The following SYT1 variants were observed in gnomAD, a reference collection of about 807,000 sequenced individuals.
The protein encoded by SYT1 is synaptotagmin 1.
In SYT1, 8 loss-of-function variants were observed where a neutral mutation model predicts 44.8. The observed-to-expected ratio is 0.18, with a 90% CI of 0.10 to 0.32. The LOEUF (loss-of-function observed/expected upper bound fraction) is 0.32. Ranked by LOEUF, SYT1 falls within the 10% of genes least tolerant of loss-of-function variation. SYT1 has a pLI of 1.00. For synonymous variants in SYT1, 154 were observed against 188.8 expected, an observed-to-expected ratio of 0.82 and a Z score of 1.51; for missense variants, 286 against 509.3, an observed-to-expected ratio of 0.56 and a Z score of 4.22.
At chr12:78,953,545 G>A (rs531300298) in intron 1 of SYT1, among the ~76,000 whole-genome samples, 2 of 152,124 alleles carry the variant, frequency 1.3e-5, no homozygotes, top group South Asian at 2.1e-4. Context: ...GGAGCTTTGA[G>A]GTATTATTGT....
At chr12:79,124,970 A>G (rs1868356379) in intron 3 of SYT1, among the ~76,000 whole-genome samples, 1 of 152,154 alleles carries the variant, frequency 6.6e-6, no homozygotes, top group Admixed American at 6.5e-5. Flanking sequence ...AGATGGGGAA[A>G]AAATTGGAAT....
At chr12:79,313,231 G>A (rs1335606858) in intron 8 of SYT1, among the ~76,000 whole-genome samples, 1 of 152,114 alleles carries the variant, frequency 6.6e-6, no homozygotes, top group Admixed American at 6.6e-5. Flanking sequence ...GTGTACATAG[G>A]TTCCCTCCCA....
rs188690022 is a variant in SYT1, at chr12:78,993,884, T to G, written c.-84+15953T>G. On this transcript the variant is annotated intron_variant, in intron 2 of 10. Transcript: ENST00000261205. ...TCATTCTCATACTTAACAAATATTGTCCTAAGTTTCTGCTATGTTCAGAGT... is the reference window on the plus strand; with the variant it reads ...TCATTCTCATACTTAACAAATATTGGCCTAAGTTTCTGCTATGTTCAGAGT... 4.6e-5 allele frequency among the ~76,000 whole-genome samples: 7 copies of G among 152,284 alleles called. No individual in the cohort carries two copies. The East Asian group carries it at 7.7e-4, about 17-fold the overall frequency.
At chr12:78,905,214 GA>G (rs1222089607) in intron 1 of SYT1, among the ~76,000 whole-genome samples, 3 of 152,280 alleles carry the variant, frequency 2.0e-5, no homozygotes, top group African/African-American at 7.2e-5. Flanking sequence ...TGATTTTAAA[GA>G]GATTAATTAT....
intron 1 of SYT1, among the ~76,000 whole-genome samples, chr12:78,889,906 C>T (rs1308838375): frequency 6.6e-6 from 1 of 151,862 alleles, no homozygotes. Flanking sequence ...AGGGGCTAAA[C>T]ACAGTTTTCC....
chr12:79,155,381 G>C (rs1349218269), intron 3 of SYT1, among the ~76,000 whole-genome samples: 1 of 152,108 alleles, frequency 6.6e-6, no homozygotes, highest in African/African-American at 2.4e-5. Flanking sequence ...TGGAAGGCAG[G>C]GACTCCCTAG....
chr12:79,320,060 G>C (rs1881280731), intron 8 of SYT1, among the ~76,000 whole-genome samples: 1 of 152,174 alleles, frequency 6.6e-6, no homozygotes, highest in Admixed American at 6.5e-5. Flanking sequence ...CTAAGCCCTT[G>C]TGTTTCATAA....
chr12:79,428,164 T>C (rs1341691193), intron 9 of SYT1, among the ~76,000 whole-genome samples: 2 of 152,170 alleles, frequency 1.3e-5, no homozygotes, highest in Non-Finnish European at 2.9e-5. Flanking sequence ...TTGGAAAGAC[T>C]GGATGGTACA....
intron 3 of SYT1, among the ~76,000 whole-genome samples, chr12:79,190,580 C>A (rs183947343): frequency 6.6e-6 from 1 of 152,176 alleles, no homozygotes; most frequent in African/African-American, 2.4e-5. Flanking sequence ...TCCACAGCAC[C>A]GGCGCCAGGA....
intron 9 of SYT1, among the ~76,000 whole-genome samples, chr12:79,359,509 T>C (rs1883237529): frequency 6.6e-6 from 1 of 152,010 alleles, no homozygotes; most frequent in East Asian, 1.9e-4. Flanking sequence ...CATCTCTAAG[T>C]CTCCAAAAGA....
At chr12:79,197,573 C>T (rs1327117119) in intron 3 of SYT1, among the ~76,000 whole-genome samples, 3 of 152,168 alleles carry the variant, frequency 2.0e-5, no homozygotes, top group Non-Finnish European at 4.4e-5. Flanking sequence ...AAGAATTTTA[C>T]TATATTTCCT....
At chr12:79,229,636 C>A (rs1875744996) in intron 4 of SYT1, among the ~76,000 whole-genome samples, 2 of 151,616 alleles carry the variant, frequency 1.3e-5, no homozygotes, top group Non-Finnish European at 2.9e-5. Context: ...CTTTGTCGCC[C>A]AGGCTGGAGT....
At chr12:79,419,549 A>C (rs985174599) in intron 9 of SYT1, among the ~76,000 whole-genome samples, 1 of 152,180 alleles carries the variant, frequency 6.6e-6, no homozygotes, top group Non-Finnish European at 1.5e-5. Context: ...CCCAATGTGG[A>C]AAAGCACTGC....
At chr12:79,050,992 T>A (rs1422718204) in intron 3 of SYT1, among the ~76,000 whole-genome samples, 4 of 152,004 alleles carry the variant, frequency 2.6e-5, no homozygotes, top group Admixed American at 6.6e-5. Flanking sequence ...CATTTATATA[T>A]GGCCTGATAG....
At chr12:79,050,472 A>G (rs1874394434) in intron 3 of SYT1, among the ~76,000 whole-genome samples, 1 of 152,054 alleles carries the variant, frequency 6.6e-6, no homozygotes, top group African/African-American at 2.4e-5. Context: ...AATACTTTCA[A>G]GAACTTCATA....
At chr12:79,262,338 C>G (rs941524949) in intron 4 of SYT1, among the ~76,000 whole-genome samples, 3 of 152,156 alleles carry the variant, frequency 2.0e-5, no homozygotes, top group African/African-American at 7.2e-5. Context: ...TAACTCCAAC[C>G]TTATGACTCT....
intron 9 of SYT1, among the ~76,000 whole-genome samples, chr12:79,390,131 C>T (rs1345885054): frequency 2.0e-5 from 3 of 151,990 alleles, no homozygotes; most frequent in Admixed American, 6.6e-5. Flanking sequence ...GACGGGGTTT[C>T]ACTGTTTTAG....
chr12:79,429,568 A>G (rs1565954199), intron 9 of SYT1, among the ~76,000 whole-genome samples: 2 of 148,630 alleles, frequency 1.3e-5, no homozygotes, highest in African/African-American at 2.5e-5. Flanking sequence ...TCACTCTGTC[A>G]CCCAGGATGG....
intron 1 of SYT1, among the ~76,000 whole-genome samples, chr12:78,897,920 A>G (rs965925362): frequency 6.6e-6 from 1 of 152,016 alleles, no homozygotes; most frequent in Non-Finnish European, 1.5e-5. Context: ...TGAACCAAAT[A>G]TAAGGGCCAC....
Sources: gnomAD v4.1 joint callset for allele counts (sites outside exome capture counted in the v4.1 genomes callset) on GRCh38, gnomAD v4.1.1 for gene constraint, MANE v1.5 for transcripts, NCBI Gene and HGNC (gene_info 2026-07-23, HGNC 2026-07-21) for gene names.